The following LARGE1 variants were observed in gnomAD, a reference collection of about 807,000 sequenced individuals.
The protein encoded by LARGE1 is LARGE xylosyl- and glucuronyltransferase 1.
In LARGE1, 43 loss-of-function variants were observed where a neutral mutation model predicts 87.6. The ratio of observed to expected loss-of-function variants is 0.49; its 90% CI spans 0.38 to 0.63. LARGE1 has a LOEUF of 0.63. Among genes scored for constraint, LARGE1 ranks in the 30% least tolerant of loss-of-function variants. The pLI is 0.00. For synonymous variants in LARGE1, 434 were observed against 394.6 expected (o/e 1.10, Z -1.18); for missense variants, 802 against 1,000.2 (o/e 0.80, Z 2.67).
chr22:33,170,149 A>G (rs942225128), intron 11 of LARGE1, among the ~76,000 whole-genome samples: 1 of 151,992 alleles, frequency 6.6e-6, no homozygotes, highest in African/African-American at 2.4e-5. Flanking sequence ...TGGGAGGATC[A>G]CTTGAGGTCA....
chr22:33,634,731 T>C (rs2080217379), intron 3 of LARGE1, among the ~76,000 whole-genome samples: 1 of 152,040 alleles, frequency 6.6e-6, no homozygotes. Flanking sequence ...GAGAGCTGGA[T>C]GCTGGTTCCA....
At chr22:33,524,044 G>A (rs933316157) in intron 6 of LARGE1, among the ~76,000 whole-genome samples, 3 of 152,056 alleles carry the variant, frequency 2.0e-5, no homozygotes, top group Non-Finnish European at 4.4e-5. Flanking sequence ...TGTAATCCCA[G>A]CACTTTAGAA....
At chr22:33,563,984 G>A (rs1266892176) in intron 6 of LARGE1, among the ~76,000 whole-genome samples, 4 of 152,224 alleles carry the variant, frequency 2.6e-5, no homozygotes, top group African/African-American at 7.2e-5. Context: ...TTATGAAAAT[G>A]CTGGGATTTA....
chr22:33,899,448 G>C (rs2065228508), intron 1 of LARGE1, among the ~76,000 whole-genome samples: 1 of 152,144 alleles, frequency 6.6e-6, no homozygotes, highest in Non-Finnish European at 1.5e-5. Flanking sequence ...TAAATACCAA[G>C]AGGAGTTATA....
At chr22:33,319,247 AC>A (rs1423990151) in intron 10 of LARGE1, among the ~76,000 whole-genome samples, 32 of 152,148 alleles carry the variant, frequency 2.1e-4, no homozygotes, top group Admixed American at 2.1e-3. Flanking sequence ...TTGAGGCTAG[AC>A]CTCAAGAGAA....
At chr22:33,456,236 T>C (rs1407882487) in intron 6 of LARGE1, among the ~76,000 whole-genome samples, 1 of 152,174 alleles carries the variant, frequency 6.6e-6, no homozygotes, top group African/African-American at 2.4e-5. Flanking sequence ...TGGTCCAGGA[T>C]TCTGTGGCTG....
intron 7 of LARGE1, among the ~76,000 whole-genome samples, chr22:33,403,888 G>A (rs1035811134): frequency 2.0e-5 from 3 of 152,108 alleles, no homozygotes; most frequent in East Asian, 3.9e-4. Flanking sequence ...GTGAGCCACC[G>A]CGCCCGGCCC....
intron 1 of LARGE1, among the ~76,000 whole-genome samples, chr22:33,909,740 G>T (rs577356432): frequency 6.6e-6 from 1 of 151,688 alleles, no homozygotes; most frequent in Non-Finnish European, 1.5e-5. Context: ...GGGTTTCACC[G>T]CGTTAGTCAA....
At chr22:33,123,371 G>GT in the LARGE1 span, among the ~76,000 whole-genome samples, 2 of 108,810 alleles carry the variant, frequency 1.8e-5, no homozygotes, top group Non-Finnish European at 4.2e-5. Context: ...TGGAAAATGA[G>GT]GTTTTTTTCC....
chr22:33,407,297 C>A (rs1455577429), intron 7 of LARGE1, among the ~76,000 whole-genome samples: 1 of 152,170 alleles, frequency 6.6e-6, no homozygotes. Flanking sequence ...GTAGCGGGAA[C>A]TATAGGTGTG....
intron 6 of LARGE1, among the ~76,000 whole-genome samples, chr22:33,556,305 TAA>T (rs1489744663): frequency 6.6e-6 from 1 of 151,910 alleles, no homozygotes; most frequent in Non-Finnish European, 1.5e-5. Flanking sequence ...GCAACAGACT[TAA>T]AGAGTTTTAT....
chr22:33,826,851 A>G (rs2062805635), intron 1 of LARGE1, among the ~76,000 whole-genome samples: 1 of 151,978 alleles, frequency 6.6e-6, no homozygotes, highest in Admixed American at 6.6e-5. Context: ...TAAAAAAACA[A>G]TAAAAAAAAA....
At chr22:33,518,425 TC>T (rs1294175603) in intron 6 of LARGE1, among the ~76,000 whole-genome samples, 1 of 152,196 alleles carries the variant, frequency 6.6e-6, no homozygotes, top group Non-Finnish European at 1.5e-5. Flanking sequence ...TTCAGGCAAT[TC>T]TCATGCCTCA....
chr22:33,876,731 C>T (rs5749687), intron 1 of LARGE1, among the ~76,000 whole-genome samples: 100,011 of 151,688 alleles, frequency 0.66, 33,533 homozygotes, highest in African/African-American at 0.79. Flanking sequence ...GATGACGGGT[C>T]GACAGGTGCA....
chr22:33,085,231 G>A, the LARGE1 span, among the ~76,000 whole-genome samples: 10 of 152,202 alleles, frequency 6.6e-5, no homozygotes, highest in Admixed American at 2.0e-4. Context: ...AGCCGAGATC[G>A]CGCCACTGCA....
intron 4 of LARGE1, among the ~76,000 whole-genome samples, chr22:33,618,624 G>A (rs1602743288): frequency 2.0e-5 from 3 of 152,300 alleles, no homozygotes; most frequent in Admixed American, 2.0e-4. Flanking sequence ...AAATACTGAT[G>A]CCCAGGCCTT....
At chr22:33,851,866 G>T (rs566762073) in intron 1 of LARGE1, among the ~76,000 whole-genome samples, 3 of 152,194 alleles carry the variant, frequency 2.0e-5, no homozygotes, top group Non-Finnish European at 4.4e-5. Context: ...AGCCATAATC[G>T]GTAAAGAAAC....
intron 11 of LARGE1, among the ~76,000 whole-genome samples, chr22:33,173,113 G>T (rs1922666891): frequency 6.6e-6 from 1 of 152,168 alleles, no homozygotes; most frequent in Non-Finnish European, 1.5e-5. Context: ...CAGAGAGAAA[G>T]GTCGGGTTGC....
rs568870066 is a variant in LARGE1, at chr22:33,411,530, G to C, written c.892+20631C>G. ...TCTGTTTAATTTAAAATTTTATCTC[G>C]ATTGTAAACTGACACATTTGGCAAA... On this transcript the variant is annotated intron_variant, in intron 7 of 14. Coordinates refer to ENST00000397394, the MANE Select transcript of LARGE1 (RefSeq NM_133642.5). 7.2e-5 allele frequency among the ~76,000 whole-genome samples: 11 copies of C among 152,222 alleles called. 1 individual carries two copies. Among genetic ancestry groups the C allele is most frequent in the Middle Eastern group, 6.8e-3 (2 of 294 alleles).
Sources: gnomAD v4.1 joint callset for allele counts (sites outside exome capture counted in the v4.1 genomes callset) on GRCh38, gnomAD v4.1.1 for gene constraint, MANE v1.5 for transcripts, NCBI Gene and HGNC (gene_info 2026-07-23, HGNC 2026-07-21) for gene names.